The following TRRAP variants were observed in gnomAD, a reference collection of about 807,000 sequenced individuals.
TRRAP encodes the protein transformation/transcription domain associated protein.
A neutral mutation model predicts 438.8 loss-of-function variants in TRRAP; 41 were observed. The observed-to-expected ratio is 0.09, with a 90% CI of 0.07 to 0.12. The LOEUF (loss-of-function observed/expected upper bound fraction) is 0.12, where lower values mean the gene tolerates loss of function less well. Ranked by LOEUF, TRRAP falls within the 10% of genes least tolerant of loss-of-function variation. The pLI is 1.00. For missense variants in TRRAP, 3,122 were observed against 5,055.1 expected, an observed-to-expected ratio of 0.62 and a Z score of 11.60; for synonymous variants, 1,994 against 1,962.9, an observed-to-expected ratio of 1.02 and a Z score of -0.42.
At chr7:98,992,560 C>CGTGT (rs72517544) in intron 65 of TRRAP, among the ~76,000 whole-genome samples, 2,336 of 149,208 alleles carry the variant, frequency 0.016, 32 homozygotes, top group Non-Finnish European at 0.021. Flanking sequence ...TGCCAGCTGC[C>CGTGT]GTGTGTGTGT....
chr7:98,895,666 G>A (rs1479003709), intron 6 of TRRAP, 98 bp from the exon 7 acceptor site: 1 of 1,021,612 alleles, frequency 9.8e-7, no homozygotes, highest in African/African-American at 1.6e-5. Context: ...TCTCTTATGA[G>A]TTCTTACGTA....
intron 22 of TRRAP, among the ~76,000 whole-genome samples, chr7:98,926,775 CG>C (rs1790066688): frequency 6.9e-6 from 1 of 145,950 alleles, no homozygotes; most frequent in Non-Finnish European, 1.5e-5. Flanking sequence ...GAGGCTGAGG[CG>C]GGGGTGGGTC....
intron 3 of TRRAP, among the ~76,000 whole-genome samples, chr7:98,887,705 G>A (rs1382724980): frequency 7.0e-5 from 9 of 129,112 alleles, no homozygotes; most frequent in Non-Finnish European, 1.4e-4. Flanking sequence ...ACTCCAGCCT[G>A]GTGACAAGAG....
chr7:98,932,289 A>G (rs553475861), intron 26 of TRRAP, among the ~76,000 whole-genome samples: 6 of 151,498 alleles, frequency 4.0e-5, no homozygotes, highest in Non-Finnish European at 8.8e-5. Flanking sequence ...AATTTTTTGT[A>G]TTTTTAGTAG....
intron 53 of TRRAP, among the ~76,000 whole-genome samples, chr7:98,972,549 T>C (rs1464703813): frequency 6.6e-6 from 1 of 152,226 alleles, no homozygotes; most frequent in Non-Finnish European, 1.5e-5. Context: ...GGCCTCCAGG[T>C]GCATCTGTGT....
chr7:99,005,480 G>A lies in TRRAP; in HGVS notation c.10753+132G>A. On this transcript the variant is annotated intron_variant, in intron 69 of 72. Coordinates refer to ENST00000456197, the MANE Select transcript of TRRAP (RefSeq NM_001375524.1). The surrounding 1 kb of genome is among the most constrained non-coding windows in gnomAD (Gnocchi z 5.1). ...TCCAGCTGCGTCAGCAGAGAATGTT[G>A]TAGTCTGTGCTGACCAGGGAAGGCC... The A allele has an allele frequency of 4.7e-6, 4 of 852,972 alleles. No homozygotes were observed. The highest frequency in any genetic ancestry group is 7.5e-6 in the Non-Finnish European group (4 of 536,496). 52.8% of individuals were successfully genotyped at this position (852,972 alleles called of 1,614,324 possible).
chr7:98,913,709 T>G (rs1789386462), intron 18 of TRRAP, among the ~76,000 whole-genome samples: 1 of 152,256 alleles, frequency 6.6e-6, no homozygotes, highest in Non-Finnish European at 1.5e-5. Flanking sequence ...CTGTGCTTCT[T>G]TATTAAGAAC....
At chr7:98,995,886 C>A (rs1320503321) in intron 67 of TRRAP, among the ~76,000 whole-genome samples, 1 of 117,374 alleles carries the variant, frequency 8.5e-6, no homozygotes, top group East Asian at 2.0e-4. Flanking sequence ...ATCATACACA[C>A]CCCTGTCCCA....
intron 62 of TRRAP, among the ~76,000 whole-genome samples, chr7:98,987,938 T>G (rs928637295): frequency 2.6e-5 from 4 of 152,052 alleles, no homozygotes; most frequent in Non-Finnish European, 4.4e-5. Context: ...GATGATTGTG[T>G]TTTTTTTCCT....
In TRRAP at chr7:98,985,061, GA is replaced by G; in HGVS notation, c.9389+20del. 1.3e-6 allele frequency: 2 copies of G among 1,526,140 alleles called. No individual in the cohort carries two copies. The highest frequency in any genetic ancestry group is 1.8e-6 in the Non-Finnish European group (2 of 1,111,122). The allele number at this position is 1,526,140 out of a possible 1,614,324, so 94.5% of individuals were successfully genotyped here. A position where few individuals can be genotyped will look rare whatever the true frequency, so the allele number is the denominator to read the frequency against. ...GATCAACAAGTATGTATGTTATATT[GA>G]AAGGATAAGAGAAAAAATGCATCAG... is the stretch of plus-strand genomic sequence containing the variant. On this transcript the variant is annotated intron_variant, in intron 62 of 72. Coordinates refer to ENST00000456197, the MANE Select transcript of TRRAP (RefSeq NM_001375524.1).
rs941568959 is a variant in TRRAP at position 98,908,314 on chromosome 7, G to A, written c.1116-414G>A. On this transcript the variant is annotated intron_variant, in intron 13 of 72. Transcript: ENST00000456197. The surrounding 1 kb of genome is among the most constrained non-coding windows in gnomAD (Gnocchi z 4.1). Reference sequence around the variant, plus strand: ...CATGACAGGTGTCCTTGTGTTTAGTGAGGGAAAAAACTAGTAGCCTGAAAA... The same window carrying A: ...CATGACAGGTGTCCTTGTGTTTAGTAAGGGAAAAAACTAGTAGCCTGAAAA... Among the ~76,000 whole-genome samples the A allele has an allele frequency of 1.3e-5, 2 of 152,182 alleles. No homozygotes were observed. Among genetic ancestry groups the A allele is most frequent in the South Asian group, 2.1e-4 (1 of 4,834 alleles).
At position 98,976,300 on chromosome 7, in the gene TRRAP, A is replaced by C. The variant is rs754667683; in HGVS notation, c.7959+32A>C. ...GTATCTTTAAAATCCTGTTTTGGAAAATTGTAGTTTTAGCTTTTGGTAAGT... is the reference window on the plus strand; with the variant it reads ...GTATCTTTAAAATCCTGTTTTGGAACATTGTAGTTTTAGCTTTTGGTAAGT... On this transcript the variant is annotated intron_variant, in intron 54 of 72. Transcript: ENST00000456197. This position sits in a 1 kb window ranked among gnomAD's most constrained non-coding sequence, Gnocchi z 4.6. The C allele has an allele frequency of 6.2e-7, 1 of 1,611,072 alleles. No individual in the cohort carries two copies. The highest frequency in any genetic ancestry group is 1.1e-5 in the South Asian group (1 of 90,768).
rs145834316 is a variant in TRRAP, at chr7:98,950,242, G to C, written c.5314G>C (p.Gly1772Arg). The C allele has an allele frequency of 6.2e-7, 1 of 1,614,176 alleles. No homozygotes were observed. The highest frequency in any genetic ancestry group is 2.2e-5 in the East Asian group (1 of 44,890). Residue 1772 changes from glycine (G) to arginine (R), a missense_variant, in exon 38 of 73, where the codon GGA becomes CGA. Gly to Arg is a moderately radical substitution (Grantham distance 125). Coordinates refer to ENST00000456197, the MANE Select transcript of TRRAP (RefSeq NM_001375524.1). ...RFVDFNDPNF[G>R]DELKAKVLQH... ...TGTAGACTTCAACGACCCCAACTTC[G>C]GAGATGAATTAAAAGCTAAAGTGAG...
rs782039479 is a variant in TRRAP at position 98,915,769 on chromosome 7, C to A, written c.2246C>A (p.Thr749Asn). The A allele has an allele frequency of 2.5e-6, 4 of 1,614,196 alleles. No individual in the cohort carries two copies. In the South Asian group the frequency reaches 4.4e-5, roughly 18 times the overall value. The change falls in exon 19 of 73, where the codon ACT becomes AAT. Residue 749 changes from threonine (T) to asparagine (N), a missense_variant. By Grantham distance (65) the Thr-to-Asn change is moderately conservative. Transcript: ENST00000456197. ...IVNSSMELAQ[T>N]AKEPYNYFLL... Reference sequence around the variant, plus strand: ...AACAGCTCTATGGAGCTCGCGCAGACTGCCAAGGAACCCTACAACTACTTC... The same window carrying A: ...AACAGCTCTATGGAGCTCGCGCAGAATGCCAAGGAACCCTACAACTACTTC...
At chr7:98,899,124 G>A (rs1299271089) in intron 8 of TRRAP, among the ~76,000 whole-genome samples, 5 of 152,204 alleles carry the variant, frequency 3.3e-5, no homozygotes, top group Non-Finnish European at 5.9e-5. Context: ...AGGAGGTGGA[G>A]GCTGTAGTGA....
intron 27 of TRRAP, among the ~76,000 whole-genome samples, chr7:98,933,726 G>C (rs1344353705): frequency 1.3e-5 from 2 of 152,242 alleles, no homozygotes; most frequent in Non-Finnish European, 1.5e-5. Flanking sequence ...ATCATTCTTA[G>C]ATCAGCTGGC....
Position 98,910,279 on chromosome 7 carries a change from C to T in TRRAP, c.1574C>T (p.Pro525Leu), listed in dbSNP as rs782757229. ...PATPVTPAPV[P>L]PFEKQGEKDK... is the part of the protein sequence containing the mutation. Reference sequence around the variant, plus strand: ...ACCCCTGTGACCCCGGCCCCCGTGCCTCCCTTCGAGAAGCAAGGAGAAAAG... The same window carrying T: ...ACCCCTGTGACCCCGGCCCCCGTGCTTCCCTTCGAGAAGCAAGGAGAAAAG... Residue 525 changes from proline to leucine, a missense_variant, in exon 15 of 73, where the codon CCT (proline) becomes CTT (leucine). Physicochemically the swap from Pro to Leu is moderately conservative, Grantham distance 98 (BLOSUM62 -3). This residue lies in a region of TRRAP where 115 missense variants were observed against 124.6 expected (regional missense o/e 0.92). Coordinates refer to ENST00000456197, the MANE Select transcript of TRRAP (RefSeq NM_001375524.1). The T allele has an allele frequency of 1.1e-5, 18 of 1,601,994 alleles. No individual in the cohort carries two copies. The South Asian group carries it at 1.3e-4, about 12-fold the overall frequency.
intron 23 of TRRAP, among the ~76,000 whole-genome samples, chr7:98,929,340 G>C (rs1372429167): frequency 6.6e-6 from 1 of 152,166 alleles, no homozygotes; most frequent in Non-Finnish European, 1.5e-5. Context: ...CCCCTGCCTT[G>C]GCTTCCCAAA....
intron 19 of TRRAP, 143 bp downstream of exon 19, chr7:98,916,031 C>T: frequency 8.9e-7 from 1 of 1,120,514 alleles, no homozygotes; most frequent in Non-Finnish European, 1.2e-6. Context: ...CGCCGCCCCC[C>T]TGCCCCCCTC....
Sources: allele counts gnomAD v4.1 joint callset (sites outside exome capture counted in the v4.1 genomes callset), GRCh38; gene constraint gnomAD v4.1.1; regional missense constraint gnomAD v4.1.1; non-coding constraint Gnocchi (gnomAD v3.1); transcripts MANE v1.5; gene names NCBI Gene and HGNC (gene_info 2026-07-23, HGNC 2026-07-21).